The following MAP3K5 variants were observed in gnomAD, a reference collection of about 807,000 sequenced individuals.
MAP3K5 encodes ASK-1.
Under a neutral mutation model 158.7 loss-of-function variants are expected in MAP3K5, and 56 were observed. The observed-to-expected ratio is 0.35, with a 90% confidence interval of 0.28 to 0.44. The LOEUF (loss-of-function observed/expected upper bound fraction) is 0.44. MAP3K5 is among the 20% of genes least tolerant of loss of function. MAP3K5 has a pLI of 1.00. For synonymous variants in MAP3K5, 579 were observed against 601.7 expected (o/e 0.96, Z 0.55); for missense variants, 1,294 against 1,674.8 (o/e 0.77, Z 3.97).
intron 23 of MAP3K5, among the ~76,000 whole-genome samples, chr6:136,589,559 A>T (rs1775291893): frequency 6.6e-6 from 1 of 152,164 alleles, no homozygotes; most frequent in Non-Finnish European, 1.5e-5. Flanking sequence ...TGTGTCCTCC[A>T]AATTCGTATG....
intron 21 of MAP3K5, among the ~76,000 whole-genome samples, chr6:136,595,357 G>A (rs1044904692): frequency 2.6e-5 from 4 of 152,068 alleles, no homozygotes; most frequent in Middle Eastern, 3.2e-3. Context: ...CACCTGCTTC[G>A]GCCTCCCAAA....
chr6:136,585,863 C>T (rs1483452931), intron 23 of MAP3K5, among the ~76,000 whole-genome samples: 3 of 152,054 alleles, frequency 2.0e-5, no homozygotes, highest in African/African-American at 7.2e-5. Flanking sequence ...TCCCATTTAA[C>T]TTTAAGAAAA....
Position 136,679,217 on chromosome 6 carries a change from A to G in MAP3K5, c.1254-9822T>C, listed in dbSNP as rs372624656. ...GATATAGAGTGATGAAGTCTTCACAAAAAAAGACTTTTCACTTTTTGCATC... is the reference window on the plus strand; with the variant it reads ...GATATAGAGTGATGAAGTCTTCACAGAAAAAGACTTTTCACTTTTTGCATC... On this transcript the variant is annotated intron_variant, in intron 7 of 29. Coordinates refer to ENST00000359015, the MANE Select transcript of MAP3K5 (RefSeq NM_005923.4). 2.4e-4 allele frequency among the ~76,000 whole-genome samples: 37 copies of G among 152,328 alleles called. 1 individual carries two copies. Among genetic ancestry groups the G allele is most frequent in the Admixed American group, 1.0e-3 (16 of 15,300 alleles).
intron 18 of MAP3K5, among the ~76,000 whole-genome samples, chr6:136,606,179 T>C (rs1403839863): frequency 6.6e-6 from 1 of 152,100 alleles, no homozygotes; most frequent in Non-Finnish European, 1.5e-5. Context: ...GGTGAAACCC[T>C]GTCTCTACTA....
chr6:136,784,739 T>C (rs1322588061), intron 1 of MAP3K5, among the ~76,000 whole-genome samples: 39 of 152,124 alleles, frequency 2.6e-4, no homozygotes, highest in Admixed American at 2.4e-3. Flanking sequence ...ATGGGAAAAA[T>C]AAATAACAAG....
intron 21 of MAP3K5, among the ~76,000 whole-genome samples, chr6:136,600,380 A>T (rs1775822081): frequency 1.3e-5 from 2 of 151,768 alleles, no homozygotes; most frequent in South Asian, 4.2e-4. Flanking sequence ...TTTAGTAGAG[A>T]TGGGGGTCTC....
intron 11 of MAP3K5, among the ~76,000 whole-genome samples, chr6:136,644,709 T>C (rs1778161553): frequency 6.6e-6 from 1 of 152,218 alleles, no homozygotes. Context: ...GTGAAACTGA[T>C]TAGTCTAAAT....
intron 9 of MAP3K5, 83 bp downstream of exon 9, chr6:136,659,136 T>C: frequency 1.7e-6 from 2 of 1,187,290 alleles, no homozygotes; most frequent in Non-Finnish European, 1.2e-6. Flanking sequence ...TAAAATCATC[T>C]AATTGTCAGT....
At chr6:136,642,895 A>C (rs1440735984) in intron 11 of MAP3K5, among the ~76,000 whole-genome samples, 1 of 152,228 alleles carries the variant, frequency 6.6e-6, no homozygotes, top group Non-Finnish European at 1.5e-5. Flanking sequence ...GATCAAGGTA[A>C]TTCTATTATT....
At chr6:136,668,391 A>G (rs1322272619) in intron 8 of MAP3K5, among the ~76,000 whole-genome samples, 1 of 150,650 alleles carries the variant, frequency 6.6e-6, no homozygotes, top group African/African-American at 2.5e-5. Flanking sequence ...TTCCAAAAAA[A>G]TTTTTCTTTT....
chr6:136,767,244 G>A (rs1420043177), intron 1 of MAP3K5, among the ~76,000 whole-genome samples: 1 of 151,908 alleles, frequency 6.6e-6, no homozygotes, highest in Non-Finnish European at 1.5e-5. Flanking sequence ...TAATTCATAA[G>A]CACTAAACCC....
intron 1 of MAP3K5, among the ~76,000 whole-genome samples, chr6:136,727,772 A>G (rs916683881): frequency 6.6e-6 from 1 of 150,974 alleles, no homozygotes; most frequent in Non-Finnish European, 1.5e-5. Flanking sequence ...CATCCTGGCT[A>G]ACACGGTGAA....
At chr6:136,624,689 G>A (rs1426776799) in intron 14 of MAP3K5, among the ~76,000 whole-genome samples, 1 of 152,064 alleles carries the variant, frequency 6.6e-6, no homozygotes, top group Admixed American at 6.6e-5. Context: ...AAAAGGAAAT[G>A]ACCATGGGAA....
Position 136,601,969 on chromosome 6 carries a change from A to T in MAP3K5, c.2690T>A (p.Phe897Tyr). 1.2e-6 allele frequency: 2 copies of T among 1,613,394 alleles called. No homozygotes were observed. The highest frequency in any genetic ancestry group is 4.5e-5 in the East Asian group (2 of 44,868). The change falls in exon 20 of 30, where the codon TTT becomes TAT. Residue 897 changes from phenylalanine (F) to tyrosine (Y), a missense_variant. Around this residue, in one of 5 missense-constraint regions of MAP3K5, gnomAD observed 362 missense variants for 463.2 expected, o/e 0.78. Coordinates refer to ENST00000359015, the MANE Select transcript of MAP3K5 (RefSeq NM_005923.4). ...CTCTGGGATCTCAGGGTGGACTTTA[A>T]ACATTCCCACCTAAGACATAAATAT... ...PQAAMFKVGM[F>Y]KVHPEIPESM... is the part of the protein sequence containing the mutation.
intron 7 of MAP3K5, among the ~76,000 whole-genome samples, chr6:136,685,572 A>G (rs372140211): frequency 1.4e-4 from 22 of 152,292 alleles, no homozygotes; most frequent in African/African-American, 4.1e-4. Context: ...AGCCATTGTA[A>G]TCACAACTGC....
At chr6:136,641,991 AAAATAAAATAAAATAAAATAAAAT>A in intron 12 of MAP3K5, among the ~76,000 whole-genome samples, 1 of 108,610 alleles carries the variant, frequency 9.2e-6, no homozygotes, top group East Asian at 2.6e-4. Context: ...TCTGTCTCAC[AAAATAAAATAAAATAAAATAAAAT>A]AAATAAAATA....
At chr6:136,603,690 G>T (rs1013682494) in intron 19 of MAP3K5, among the ~76,000 whole-genome samples, 6 of 152,064 alleles carry the variant, frequency 3.9e-5, no homozygotes, top group African/African-American at 1.5e-4. Flanking sequence ...AAAAACACAT[G>T]GTATAATAAT....
intron 1 of MAP3K5, among the ~76,000 whole-genome samples, chr6:136,758,172 A>G (rs1783590161): frequency 6.6e-6 from 1 of 152,220 alleles, no homozygotes; most frequent in African/African-American, 2.4e-5. Flanking sequence ...CAATGTCATC[A>G]TGTCATACTA....
intron 2 of MAP3K5, among the ~76,000 whole-genome samples, chr6:136,713,870 C>T (rs1393052704): frequency 6.6e-6 from 1 of 152,056 alleles, no homozygotes; most frequent in Non-Finnish European, 1.5e-5. Flanking sequence ...AGGGGTAGGG[C>T]CAATGTTTCC....
Sources: allele counts gnomAD v4.1 joint callset (sites outside exome capture counted in the v4.1 genomes callset), GRCh38; gene constraint gnomAD v4.1.1; regional missense constraint gnomAD v4.1.1; transcripts MANE v1.5; gene names NCBI Gene and HGNC (gene_info 2026-07-23, HGNC 2026-07-21).